RANBP2: variants seen among roughly 807,000 people sequenced by gnomAD.
RANBP2 encodes the protein E3 SUMO-protein ligase RanBP2.
In RANBP2, 57 loss-of-function variants were observed where a neutral mutation model predicts 303.6. The observed-to-expected ratio is 0.19, with a 90% CI of 0.15 to 0.23. The LOEUF is 0.23. RANBP2 is among the 10% of genes least tolerant of loss of function. The probability of loss-of-function intolerance (pLI) is 1.00; values close to 1 mark genes in which losing one functional copy is unlikely to be tolerated. For missense variants in RANBP2, 3,138 were observed against 3,780.8 expected, an observed-to-expected ratio of 0.83 and a Z score of 4.46; for synonymous variants, 1,167 against 1,301.5, an observed-to-expected ratio of 0.90 and a Z score of 2.23.
chr2:109,514,196 T>C, the RANBP2 span, among the ~76,000 whole-genome samples: 1 of 152,222 alleles, frequency 6.6e-6, no homozygotes, highest in Non-Finnish European at 1.5e-5. Context: ...TCTGAGCTTA[T>C]GTAACGCCCT....
At chr2:108,887,720 G>A in the RANBP2 span, among the ~76,000 whole-genome samples, 2 of 152,026 alleles carry the variant, frequency 1.3e-5, no homozygotes, top group African/African-American at 4.8e-5. Context: ...TTATATGTTG[G>A]TTTTGTATCC....
the RANBP2 span, among the ~76,000 whole-genome samples, chr2:109,536,360 C>G: frequency 6.6e-6 from 1 of 152,220 alleles, no homozygotes; most frequent in Admixed American, 6.5e-5. Flanking sequence ...GGAGGTGAGA[C>G]ATGAAGTCAA....
At chr2:109,253,706 A>T in the RANBP2 span, among the ~76,000 whole-genome samples, 1 of 152,194 alleles carries the variant, frequency 6.6e-6, no homozygotes, top group African/African-American at 2.4e-5. Flanking sequence ...GGAAAATAGA[A>T]CATATAATAG....
At chr2:108,890,232 CTTTTTTTT>C in the RANBP2 span, among the ~76,000 whole-genome samples, 429 of 114,698 alleles carry the variant, frequency 3.7e-3, no homozygotes, top group African/African-American at 0.011. Flanking sequence ...ATGGGGTTTT[CTTTTTTTT>C]TTTTTTTTTT....
the RANBP2 span, among the ~76,000 whole-genome samples, chr2:109,368,355 A>C: frequency 6.6e-6 from 1 of 152,190 alleles, no homozygotes; most frequent in Admixed American, 6.5e-5. Context: ...TTAAACATCT[A>C]TTCATATTTT....
the RANBP2 span, among the ~76,000 whole-genome samples, chr2:109,138,477 G>A: frequency 6.6e-6 from 1 of 152,230 alleles, no homozygotes; most frequent in Admixed American, 6.5e-5. Flanking sequence ...GTAAAAATTA[G>A]CTTGGTGCTG....
At chr2:109,308,095 A>G in the RANBP2 span, among the ~76,000 whole-genome samples, 3 of 145,766 alleles carry the variant, frequency 2.1e-5, no homozygotes, top group African/African-American at 8.0e-5. Context: ...TTGTTTCCTG[A>G]CTTTTTAATG....
the RANBP2 span, among the ~76,000 whole-genome samples, chr2:109,317,382 A>G: frequency 6.6e-6 from 1 of 152,084 alleles, no homozygotes; most frequent in African/African-American, 2.4e-5. Flanking sequence ...AGGAGAGTCC[A>G]GAGGTCTGGG....
chr2:109,568,176 G>A, the RANBP2 span, among the ~76,000 whole-genome samples: 1 of 151,972 alleles, frequency 6.6e-6, no homozygotes, highest in Admixed American at 6.6e-5. Context: ...ATTTGCTTGT[G>A]TACTGTCTAC....
the RANBP2 span, among the ~76,000 whole-genome samples, chr2:108,985,557 T>C: frequency 7.9e-5 from 12 of 152,284 alleles, 1 homozygote; most frequent in South Asian, 2.3e-3. Flanking sequence ...TGTACGTAGG[T>C]GTATAAAATG....
At chr2:109,760,865 CGGCCGGCCGCCGTGGGGGTGGGGT>C in the RANBP2 span, among the ~76,000 whole-genome samples, 3 of 118,382 alleles carry the variant, frequency 2.5e-5, no homozygotes, top group South Asian at 9.7e-4. Flanking sequence ...GTGCTCCGGG[CGGCCGGCCGCCGTGGGGGTGGGGT>C]GGGTCGGGGG....
chr2:108,791,720 A>G, the RANBP2 span: 2 of 1,607,160 alleles, frequency 1.2e-6, no homozygotes, highest in South Asian at 2.2e-5. Context: ...AGAAACAGGA[A>G]ACAGAAGAAG....
chr2:109,341,213 A>T, the RANBP2 span, among the ~76,000 whole-genome samples: 1 of 152,364 alleles, frequency 6.6e-6, no homozygotes, highest in East Asian at 1.9e-4. Context: ...AGAAAAAGGG[A>T]CAAAGGAACT....
the RANBP2 span, among the ~76,000 whole-genome samples, chr2:109,325,477 A>G: frequency 2.0e-5 from 3 of 150,926 alleles, no homozygotes; most frequent in African/African-American, 7.3e-5. Context: ...AGTAGATGGG[A>G]CTACAGGCAT....
At chr2:108,933,250 A>C in the RANBP2 span, among the ~76,000 whole-genome samples, 3 of 152,314 alleles carry the variant, frequency 2.0e-5, no homozygotes, top group East Asian at 5.8e-4. Flanking sequence ...AGTAACTGAA[A>C]TCGGGTGGGG....
At chr2:109,490,873 C>T in the RANBP2 span, 1 of 1,534,380 alleles carries the variant, frequency 6.5e-7, no homozygotes, top group Admixed American at 2.0e-5. Flanking sequence ...ACATCTCCTT[C>T]CCGGCAAGCT....
the RANBP2 span, among the ~76,000 whole-genome samples, chr2:109,405,956 A>AT: frequency 1.3e-5 from 2 of 152,204 alleles, no homozygotes; most frequent in Non-Finnish European, 2.9e-5. Flanking sequence ...ATAAAGCAGC[A>AT]TGGTACCTGA....
the RANBP2 span, among the ~76,000 whole-genome samples, chr2:109,510,130 C>T: frequency 6.6e-6 from 1 of 152,112 alleles, no homozygotes; most frequent in Non-Finnish European, 1.5e-5. Context: ...CACCCCAACC[C>T]GAGGCTGGGG....
chr2:109,398,663 C>T, the RANBP2 span: 1 of 1,607,134 alleles, frequency 6.2e-7, no homozygotes, highest in East Asian at 2.2e-5. Flanking sequence ...TGCAATGCCT[C>T]CCTGCCCTCT....
Sources: allele counts gnomAD v4.1 joint callset (sites outside exome capture counted in the v4.1 genomes callset), GRCh38; gene constraint gnomAD v4.1.1; transcripts MANE v1.5; gene names NCBI Gene and HGNC (gene_info 2026-07-23, HGNC 2026-07-21).